The following CMBL variants were observed in gnomAD, a reference collection of about 807,000 sequenced individuals.
CMBL encodes the protein carboxymethylenebutenolidase homolog (Pseudomonas).
A neutral mutation model predicts 28.7 loss-of-function variants in CMBL; 17 were observed. The observed-to-expected ratio is 0.59, with a 90% CI of 0.41 to 0.89. The LOEUF (loss-of-function observed/expected upper bound fraction) is 0.89. Among genes scored for constraint, CMBL ranks in the 40% least tolerant of loss-of-function variants. The pLI, the probability that CMBL is intolerant of heterozygous loss-of-function variation, is 0.00. For synonymous variants in CMBL, 106 were observed against 101.6 expected, an observed-to-expected ratio of 1.04 and a Z score of -0.26; for missense variants, 310 against 298.5, an observed-to-expected ratio of 1.04 and a Z score of -0.28.
At chr5:10,306,917 C>T (rs901019583) in intron 1 of CMBL, among the ~76,000 whole-genome samples, 14 of 152,120 alleles carry the variant, frequency 9.2e-5, no homozygotes, top group Non-Finnish European at 1.5e-4. Context: ...CCCCGGATAC[C>T]GGCGAGGCTC....
chr5:10,285,451 G>A (rs11951795), intron 4 of CMBL, among the ~76,000 whole-genome samples: 7,890 of 151,998 alleles, frequency 0.052, 676 homozygotes, highest in African/African-American at 0.18. Context: ...ATAGGCGTGA[G>A]CCACCACGCC....
Position 10,290,698 on chromosome 5 carries a change from C to T in CMBL, c.65G>A (p.Gly22Asp), listed in dbSNP as rs758977998. The change falls in exon 2 of 6, where the codon GGC (glycine) becomes GAC (aspartate). Residue 22 changes from glycine to aspartate, a missense_variant. Transcript: ENST00000296658. ...IGHRLEYGGL[G>D]REVQVEHIKA... ...GATGTGCTCGACTTGAACTTCACGGCCTAGCCCTCCATACTCAAGTCTGTG... is the reference window on the plus strand; with the variant it reads ...GATGTGCTCGACTTGAACTTCACGGTCTAGCCCTCCATACTCAAGTCTGTG... 6.2e-6 allele frequency: 10 copies of T among 1,614,198 alleles called. No individual in the cohort carries two copies. Among genetic ancestry groups the T allele is most frequent in the Non-Finnish European group, 8.5e-6 (10 of 1,180,048 alleles).
intron 3 of CMBL, 78 bp from the exon 4 acceptor site, chr5:10,286,574 G>A: frequency 9.0e-6 from 12 of 1,326,784 alleles, no homozygotes; most frequent in Non-Finnish European, 1.1e-5. Flanking sequence ...ATGATAACAG[G>A]GCTGTATCAG....
At chr5:10,293,435 T>C (rs546316808) in intron 1 of CMBL, among the ~76,000 whole-genome samples, 4 of 152,318 alleles carry the variant, frequency 2.6e-5, no homozygotes, top group African/African-American at 7.2e-5. Flanking sequence ...CTCTGGGGTC[T>C]CCATTATAAG....
Position 10,279,096 on chromosome 5 carries a change from A to T in CMBL, c.*1357T>A, listed in dbSNP as rs1287734. Among the ~76,000 whole-genome samples, 141,759 of 152,198 alleles carry T rather than the reference A, an allele frequency of 0.93. 66,284 individuals are homozygous for T. Among genetic ancestry groups the T allele is most frequent in the Non-Finnish European group, 0.97 (65,868 of 68,024 alleles). ...ACGCACCCCGTAGGTGCAGGTGCAG[A>T]GTTTCTCACCGGCTCTCCCCTTTAC... On this transcript the variant is annotated 3_prime_UTR_variant, in exon 6 of 6. Transcript: ENST00000296658.
At chr5:10,296,836 A>G (rs1246674560) in intron 1 of CMBL, among the ~76,000 whole-genome samples, 1 of 152,218 alleles carries the variant, frequency 6.6e-6, no homozygotes, top group Non-Finnish European at 1.5e-5. Flanking sequence ...GACCTCCACA[A>G]GGACAGGCTT....
At chr5:10,291,625 C>T (rs1746720758) in intron 1 of CMBL, among the ~76,000 whole-genome samples, 1 of 151,162 alleles carries the variant, frequency 6.6e-6, no homozygotes. Flanking sequence ...CGCGCCACTG[C>T]ACTCCAGCCT....
Position 10,282,227 on chromosome 5 carries a change from A to G in CMBL, c.528T>C (p.Ala176=). The change falls in exon 5 of 6, where the codon GCT becomes GCC. Residue 176 remains alanine (A), a synonymous_variant. Transcript: ENST00000296658. ...NLKNPTLFIF[A]ENDVVIPLKD... ...TGAGTGGAATCACAACATCATTTTC[A>G]GCAAAAATGAACAAAGTGGGGTTCT... 6.2e-7 allele frequency: 1 copy of G among 1,612,664 alleles called. No individual in the cohort carries two copies. Among genetic ancestry groups the G allele is most frequent in the South Asian group, 1.1e-5 (1 of 91,054 alleles).
intron 1 of CMBL, among the ~76,000 whole-genome samples, chr5:10,299,689 A>C (rs1031205164): frequency 2.0e-5 from 3 of 152,016 alleles, no homozygotes; most frequent in Middle Eastern, 6.8e-3. Flanking sequence ...AAAAAAAAAA[A>C]AGCAGAAAAA....
In CMBL at chr5:10,280,586, T is replaced by C; in HGVS notation, c.605A>G (p.Tyr202Cys). The change falls in exon 6 of 6, where the codon TAT becomes TGT. Residue 202 changes from tyrosine to cysteine, a missense_variant. Physicochemically the swap from Tyr to Cys is radical, Grantham distance 194. Transcript: ENST00000296658. ...QKLKEHCKVE[Y>C]QIKTFSGQTH... is the part of the protein sequence containing the mutation. ...CTGCCCAGAAAATGTTTTAATTTGA[T>C]ATTCAACTTTGCAGTGTTCTTTCAA... 6.2e-7 allele frequency: 1 copy of C among 1,613,464 alleles called. No individual in the cohort carries two copies. Among genetic ancestry groups the C allele is most frequent in the South Asian group, 1.1e-5 (1 of 91,022 alleles).
rs370941954 is a variant in CMBL at position 10,290,799 on chromosome 5, T to C, written c.-19-18A>G. On this transcript the variant is annotated intron_variant, in intron 1 of 5. Coordinates refer to ENST00000296658, the MANE Select transcript of CMBL (RefSeq NM_138809.4). ...AAGTCGGGCTATGGAGAGAGAAACA[T>C]GCGTTATATTCTGAATGCTGCAAAT... The C allele has an allele frequency of 2.0e-4, 314 of 1,548,202 alleles. 3 individuals are homozygous for C. Among genetic ancestry groups the C allele is most frequent in the Non-Finnish European group, 2.5e-4 (281 of 1,120,308 alleles).
chr5:10,283,092 G>GAA (rs70944000), intron 4 of CMBL, among the ~76,000 whole-genome samples: 8 of 119,994 alleles, frequency 6.7e-5, no homozygotes, highest in African/African-American at 9.8e-5. Context: ...CTCCGTCTCA[G>GAA]AAAAAAAAAA....
intron 1 of CMBL, chr5:10,307,123 A>G (rs1373523087): frequency 6.6e-6 from 1 of 152,212 alleles, no homozygotes; most frequent in African/African-American, 2.4e-5. Flanking sequence ...CCATAGACCC[A>G]GCACCTCTCT....
chr5:10,299,002 A>G (rs1023838163), intron 1 of CMBL, among the ~76,000 whole-genome samples: 1 of 152,210 alleles, frequency 6.6e-6, no homozygotes, highest in Non-Finnish European at 1.5e-5. Context: ...TAATCTCTCT[A>G]CTTTTATATA....
At chr5:10,295,120 G>A (rs1746786663) in intron 1 of CMBL, among the ~76,000 whole-genome samples, 2 of 151,450 alleles carry the variant, frequency 1.3e-5, no homozygotes, top group Non-Finnish European at 2.9e-5. Context: ...ACTCGCTCTG[G>A]TTGCCCAGGC....
chr5:10,289,888 A>G lies in CMBL; in HGVS notation c.215+660T>C, dbSNP rs1396396194. 6.6e-6 allele frequency among the ~76,000 whole-genome samples: 1 copy of G among 152,190 alleles called. No homozygotes were observed. Among genetic ancestry groups the G allele is most frequent in the East Asian group, 1.9e-4 (1 of 5,194 alleles). ...GAAAACAAAGGAAATCCAGCCGTGCACCATCCTCAGGGCTCACTGGGTTGA... is the reference window on the plus strand; with the variant it reads ...GAAAACAAAGGAAATCCAGCCGTGCGCCATCCTCAGGGCTCACTGGGTTGA... On this transcript the variant is annotated intron_variant, in intron 2 of 5. Transcript: ENST00000296658. This position sits in a 1 kb window ranked among gnomAD's most constrained non-coding sequence, Gnocchi z 4.3.
rs546306953 is a variant in CMBL, at chr5:10,293,576, G to A, written c.-19-2795C>T. ...ACTAAAAAAAAGAGGTAAGAAACAA[G>A]AATAGCCACAATAACTGAAAGAAAA... is the stretch of plus-strand genomic sequence containing the variant. On this transcript the variant is annotated intron_variant, in intron 1 of 5. Transcript: ENST00000296658. Among the ~76,000 whole-genome samples, 18 of 152,266 alleles carry A rather than the reference G, an allele frequency of 1.2e-4. No individual in the cohort carries two copies. The East Asian group carries it at 3.5e-3, about 29-fold the overall frequency.
intron 1 of CMBL, among the ~76,000 whole-genome samples, chr5:10,294,705 G>C (rs1047874693): frequency 6.6e-6 from 1 of 152,252 alleles, no homozygotes; most frequent in Non-Finnish European, 1.5e-5. Context: ...CGGTGATGGT[G>C]AGAGGGCGGG....
rs530774889 is a variant in CMBL at position 10,282,564 on chromosome 5, C to T, written c.467-276G>A. On this transcript the variant is annotated intron_variant, in intron 4 of 5. Transcript: ENST00000296658. ...TCGAGAGGCTGAGGCAGGTGGATGG[C>T]TTGGGCTCAGGAGTTTGAGAGCAGC... Among the ~76,000 whole-genome samples, 13 of 152,094 alleles carry T rather than the reference C, an allele frequency of 8.5e-5. No individual in the cohort carries two copies. In the South Asian group the frequency reaches 2.5e-3, roughly 29 times the overall value.
Sources: allele counts gnomAD v4.1 joint callset (sites outside exome capture counted in the v4.1 genomes callset), GRCh38; gene constraint gnomAD v4.1.1; non-coding constraint Gnocchi (gnomAD v3.1); transcripts MANE v1.5; gene names NCBI Gene and HGNC (gene_info 2026-07-23, HGNC 2026-07-21).